Variants in PARP8 observed in about 807,000 individuals in gnomAD.
PARP8 encodes poly(ADP-ribose) polymerase family member 8, also known as protein mono-ADP-ribosyltransferase PARP8.
Under a neutral mutation model 124.1 loss-of-function variants are expected in PARP8, and 51 were observed. The ratio of observed to expected loss-of-function variants is 0.41; its 90% CI spans 0.33 to 0.52. The LOEUF (loss-of-function observed/expected upper bound fraction) is 0.52. Among genes scored for constraint, PARP8 ranks in the 20% least tolerant of loss-of-function variants. The pLI is 0.21. For missense variants in PARP8, 860 were observed against 1,018.9 expected (o/e 0.84, Z 2.12); for synonymous variants, 391 against 361.5 (o/e 1.08, Z -0.93).
intron 20 of PARP8, 85 bp downstream of exon 20, chr5:50,828,141 A>T: frequency 8.4e-7 from 1 of 1,184,726 alleles, no homozygotes; most frequent in East Asian, 2.4e-5. Flanking sequence ...GTCTTTCAGT[A>T]AATGATCATT....
chr5:50,776,582 C>T (rs1213778338), intron 7 of PARP8, among the ~76,000 whole-genome samples: 5 of 152,066 alleles, frequency 3.3e-5, no homozygotes, highest in Non-Finnish European at 7.4e-5. Context: ...AGTGTAATTT[C>T]ATAAAAGTTG....
intron 8 of PARP8, 145 bp from the exon 9 acceptor site, chr5:50,778,415 T>C (rs1216383324): frequency 1.4e-4 from 91 of 659,984 alleles, no homozygotes; most frequent in Non-Finnish European, 2.1e-4. Flanking sequence ...GCCAATATTT[T>C]CACAAAACAG....
chr5:50,838,411 C>T (rs1561453649), intron 25 of PARP8, among the ~76,000 whole-genome samples: 1 of 152,022 alleles, frequency 6.6e-6, no homozygotes, highest in Admixed American at 6.6e-5. Context: ...CTCTTAGCCT[C>T]CTTTGTGCAA....
chr5:50,679,477 A>T (rs567357690), intron 2 of PARP8, among the ~76,000 whole-genome samples: 1 of 152,258 alleles, frequency 6.6e-6, no homozygotes, highest in Admixed American at 6.5e-5. Flanking sequence ...AAATTAAATA[A>T]TTTCTCTGTG....
rs185884124 is a variant in PARP8, at chr5:50,844,515, T to C, written c.*2447T>C. ...TTTAGAGATTTGAACACTGTTATCA[T>C]GCTTTAATTCAGTCATTCATTAAAA... On this transcript the variant is annotated 3_prime_UTR_variant, in exon 26 of 26. Coordinates refer to ENST00000281631, the MANE Select transcript of PARP8 (RefSeq NM_024615.4). The C allele has an allele frequency of 2.0e-5, 3 of 151,970 alleles. No individual in the cohort carries two copies. Among genetic ancestry groups the C allele is most frequent in the Non-Finnish European group, 4.4e-5 (3 of 67,810 alleles). 9.4% of individuals were successfully genotyped at this position (151,970 alleles called of 1,614,324 possible).
chr5:50,703,889 AC>A (rs758791305), intron 2 of PARP8, among the ~76,000 whole-genome samples: 23 of 145,356 alleles, frequency 1.6e-4, no homozygotes, highest in Non-Finnish European at 2.3e-4. Context: ...ATAAAATGAG[AC>A]CCTTTTTTTT....
In PARP8 at chr5:50,795,352, C is replaced by A. The variant is rs975802381; in HGVS notation, c.1363C>A (p.Leu455Ile). 2 of 1,614,046 alleles carry A rather than the reference C, an allele frequency of 1.2e-6. No individual in the cohort carries two copies. The highest frequency in any genetic ancestry group is 8.5e-7 in the Non-Finnish European group (1 of 1,179,956). Residue 455 changes from leucine (L) to isoleucine (I), a missense_variant, in exon 12 of 26, where the codon CTC becomes ATC. Around this residue, in one of 2 missense-constraint regions of PARP8, gnomAD observed 517 missense variants for 544.2 expected, o/e 0.95. Coordinates refer to ENST00000281631, the MANE Select transcript of PARP8 (RefSeq NM_024615.4). ...GGAACCTAACGCAGAGGGCAGGAGG[C>A]TCTCTCTTACCTCAGGGCTTATTGG... ...FKEPNAEGRRLSLTSGLIGIL... is the reference protein window; with the variant it reads ...FKEPNAEGRRISLTSGLIGIL...
chr5:50,695,713 A>C (rs935921565), intron 2 of PARP8, among the ~76,000 whole-genome samples: 1 of 152,170 alleles, frequency 6.6e-6, no homozygotes, highest in African/African-American at 2.4e-5. Flanking sequence ...TTGGATTTAA[A>C]AATAACTCAT....
chr5:50,707,213 T>C (rs1318430137), intron 2 of PARP8, among the ~76,000 whole-genome samples: 1 of 152,070 alleles, frequency 6.6e-6, no homozygotes, highest in Non-Finnish European at 1.5e-5. Context: ...TAAGCACAAT[T>C]CTTTAGATAC....
Position 50,778,669 on chromosome 5 carries a change from T to A in PARP8, c.670+19T>A, listed in dbSNP as rs1301762413. On this transcript the variant is annotated intron_variant, in intron 9 of 25. Coordinates refer to ENST00000281631, the MANE Select transcript of PARP8 (RefSeq NM_024615.4). ...GGCCCAGGTTAGTTTTATTTCTTTA[T>A]TTATTATTTTGAATATTAATTAGCT... The A allele has an allele frequency of 6.6e-7, 1 of 1,514,312 alleles. No individual in the cohort carries two copies. Among genetic ancestry groups the A allele is most frequent in the African/African-American group, 1.4e-5 (1 of 71,820 alleles). The allele number at this position is 1,514,312 out of a possible 1,614,324, so 93.8% of individuals were successfully genotyped here. A position where few individuals can be genotyped will look rare whatever the true frequency, so the allele number is the denominator to read the frequency against.
intron 2 of PARP8, among the ~76,000 whole-genome samples, chr5:50,723,229 C>T (rs972956255): frequency 6.6e-6 from 1 of 152,042 alleles, no homozygotes; most frequent in Non-Finnish European, 1.5e-5. Flanking sequence ...TCGAAAGTCT[C>T]ATGTTTTACA....
At chr5:50,790,477 GA>G (rs1293153792) in intron 10 of PARP8, among the ~76,000 whole-genome samples, 1 of 151,972 alleles carries the variant, frequency 6.6e-6, no homozygotes, top group Non-Finnish European at 1.5e-5. Context: ...TTTATACTAT[GA>G]TTTTTTTTCC....
chr5:50,745,266 T>G (rs908805838), intron 2 of PARP8, among the ~76,000 whole-genome samples: 1 of 152,242 alleles, frequency 6.6e-6, no homozygotes, highest in African/African-American at 2.4e-5. Flanking sequence ...GGGTCTCAGA[T>G]AAATGTAATA....
At chr5:50,669,984 G>T (rs1749817412) in intron 2 of PARP8, among the ~76,000 whole-genome samples, 1 of 152,150 alleles carries the variant, frequency 6.6e-6, no homozygotes, top group South Asian at 2.1e-4. Flanking sequence ...TCAAAAGCTT[G>T]TTCTAAAATA....
chr5:50,784,100 T>C (rs916205895), intron 9 of PARP8, among the ~76,000 whole-genome samples: 3 of 152,208 alleles, frequency 2.0e-5, no homozygotes, highest in Admixed American at 1.3e-4. Context: ...TCAGCATTTA[T>C]AGTAAAATGA....
chr5:50,749,758 G>T (rs1759024578), intron 2 of PARP8, among the ~76,000 whole-genome samples: 1 of 151,940 alleles, frequency 6.6e-6, no homozygotes. Context: ...TTAAATTCTT[G>T]GGTGCTGTAC....
At chr5:50,803,534 C>G (rs763875409) in intron 14 of PARP8, among the ~76,000 whole-genome samples, 1 of 151,836 alleles carries the variant, frequency 6.6e-6, no homozygotes. Flanking sequence ...ATTATTCTTC[C>G]TCTTCCTTAG....
At chr5:50,747,306 G>A (rs1758695730) in intron 2 of PARP8, among the ~76,000 whole-genome samples, 1 of 150,928 alleles carries the variant, frequency 6.6e-6, no homozygotes, top group Admixed American at 6.6e-5. Context: ...GGGAACCCAG[G>A]GTATAAGCTA....
chr5:50,694,497 C>T (rs1752816993), intron 2 of PARP8, among the ~76,000 whole-genome samples: 1 of 152,174 alleles, frequency 6.6e-6, no homozygotes, highest in Non-Finnish European at 1.5e-5. Flanking sequence ...CTTGTAACCA[C>T]ATTTCTTGTG....
Sources: gnomAD v4.1 joint callset for allele counts (sites outside exome capture counted in the v4.1 genomes callset) on GRCh38, gnomAD v4.1.1 for gene constraint, gnomAD v4.1.1 regional missense constraint, MANE v1.5 for transcripts, NCBI Gene and HGNC (gene_info 2026-07-23, HGNC 2026-07-21) for gene names.